CREBBP: variants seen among roughly 807,000 people sequenced by gnomAD.
CREBBP encodes CREB binding lysine acetyltransferase.
In CREBBP, 19 loss-of-function variants were observed where a neutral mutation model predicts 265.0. The ratio of observed to expected loss-of-function variants is 0.07; its 90% CI spans 0.05 to 0.11. The LOEUF (loss-of-function observed/expected upper bound fraction) is 0.11. Among genes scored for constraint, CREBBP ranks in the 10% least tolerant of loss-of-function variants. The probability of loss-of-function intolerance (pLI) is 1.00; values close to 1 mark genes in which losing one functional copy is unlikely to be tolerated. For synonymous variants in CREBBP, 1,457 were observed against 1,223.7 expected (o/e 1.19, Z -3.98); for missense variants, 2,525 against 3,219.0 (o/e 0.78, Z 5.22).
At chr16:3,763,548 C>T (rs1344125150) in intron 16 of CREBBP, among the ~76,000 whole-genome samples, 1 of 151,818 alleles carries the variant, frequency 6.6e-6, no homozygotes, top group Non-Finnish European at 1.5e-5. Context: ...GCAACCTCTG[C>T]CGCCTCCTGG....
intron 1 of CREBBP, among the ~76,000 whole-genome samples, chr16:3,859,825 C>T (rs1325105485): frequency 6.6e-6 from 1 of 152,196 alleles, no homozygotes; most frequent in Non-Finnish European, 1.5e-5. Flanking sequence ...CCCTCTCACA[C>T]GCCTTGCCCT....
rs143790656 is a variant in CREBBP at position 3,788,397 on chromosome 16, C to T, written c.1330+3584G>A. On this transcript the variant is annotated intron_variant, in intron 5 of 30. Transcript: ENST00000262367. ...CAACCTGGGAGCACCTCTATGGCTT[C>T]CCTGAGGCCTACACTTTGAGCAGCA... 5.3e-5 allele frequency among the ~76,000 whole-genome samples: 8 copies of T among 152,322 alleles called. No individual in the cohort carries two copies. In the East Asian group the frequency reaches 1.5e-3, roughly 29 times the overall value.
rs752189010 is a variant in CREBBP at position 3,731,986 on chromosome 16, T to G, written c.4729-49A>C. Reference sequence around the variant, plus strand: ...AGACCAGGCAAGTGCCCCTCCACACTTGGCACGGACGCCCAGCTCCCAGGC... The same window carrying G: ...AGACCAGGCAAGTGCCCCTCCACACGTGGCACGGACGCCCAGCTCCCAGGC... On this transcript the variant is annotated intron_variant, in intron 28 of 30. Coordinates refer to ENST00000262367, the MANE Select transcript of CREBBP (RefSeq NM_004380.3). The surrounding 1 kb of genome is among the most constrained non-coding windows in gnomAD (Gnocchi z 7.7). 1.9e-6 allele frequency: 3 copies of G among 1,613,550 alleles called. No individual in the cohort carries two copies. The highest frequency in any genetic ancestry group is 2.2e-5 in the East Asian group (1 of 44,874).
intron 2 of CREBBP, among the ~76,000 whole-genome samples, chr16:3,813,251 A>T (rs2053971727): frequency 6.6e-6 from 1 of 152,192 alleles, no homozygotes; most frequent in Admixed American, 6.5e-5. Flanking sequence ...TTGGAAAGCA[A>T]TCACATTCTT....
chr16:3,773,330 C>T (rs2053059983), intron 13 of CREBBP, among the ~76,000 whole-genome samples: 1 of 152,134 alleles, frequency 6.6e-6, no homozygotes, highest in Non-Finnish European at 1.5e-5. Flanking sequence ...TTTCACCTGG[C>T]AGTGGAGACA....
chr16:3,811,365 C>T (rs2053934865), intron 2 of CREBBP, among the ~76,000 whole-genome samples: 1 of 152,178 alleles, frequency 6.6e-6, no homozygotes, highest in Non-Finnish European at 1.5e-5. Context: ...CAGCCTCTGC[C>T]AACCAAGAGA....
In CREBBP at chr16:3,771,802, CTTTTT is replaced by C. The variant is rs34195127; in HGVS notation, c.2464-821_2464-817del. Among the ~76,000 whole-genome samples the C allele has an allele frequency of 3.8e-5, 5 of 131,928 alleles. No individual in the cohort carries two copies. In the South Asian group the frequency reaches 1.2e-3, roughly 31 times the overall value. 86.5% of individuals were successfully genotyped at this position (131,928 alleles called of 152,430 possible). A position where few individuals can be genotyped will look rare whatever the true frequency, so the allele number is the denominator to read the frequency against. On this transcript the variant is annotated intron_variant, in intron 13 of 30. Transcript: ENST00000262367. ...ACTTGGAATGGCACTCAATTTAAAA[CTTTTT>C]TTTTTTTTTTTTAAAAAAAAAAAGA...
intron 2 of CREBBP, among the ~76,000 whole-genome samples, chr16:3,825,803 T>C (rs2054225632): frequency 6.6e-6 from 1 of 152,226 alleles, no homozygotes; most frequent in Admixed American, 6.5e-5. Context: ...AATGTCATTG[T>C]GTATCTTCAA....
intron 2 of CREBBP, among the ~76,000 whole-genome samples, chr16:3,837,986 G>C (rs2141438397): frequency 6.6e-6 from 1 of 152,186 alleles, no homozygotes; most frequent in Non-Finnish European, 1.5e-5. Flanking sequence ...TTATACAGGT[G>C]TGTTTTACAC....
At chr16:3,760,658 C>A (rs537225185) in intron 16 of CREBBP, among the ~76,000 whole-genome samples, 3 of 152,074 alleles carry the variant, frequency 2.0e-5, no homozygotes, top group Admixed American at 1.3e-4. Flanking sequence ...CCCGCCCTGG[C>A]CTTCCAAAGT....
chr16:3,878,925 TAAG>T (rs753153347), intron 1 of CREBBP, among the ~76,000 whole-genome samples: 2 of 152,134 alleles, frequency 1.3e-5, no homozygotes, highest in Admixed American at 6.5e-5. Context: ...TATGATAACT[TAAG>T]AAAGTTTCCA....
At position 3,727,611 on chromosome 16, in the gene CREBBP, G is replaced by A. The variant is rs1596779760; in HGVS notation, c.*107C>T. ...TTAAACATCAATCCACCCTTCCATG[G>A]CTCGGAAGTCGCAGTTCCATCTAGG... On this transcript the variant is annotated 3_prime_UTR_variant, in exon 31 of 31. Coordinates refer to ENST00000262367, the MANE Select transcript of CREBBP (RefSeq NM_004380.3). 3 of 1,585,358 alleles carry A rather than the reference G, an allele frequency of 1.9e-6. No individual in the cohort carries two copies. The East Asian group carries it at 6.7e-5, about 36-fold the overall frequency.
intron 2 of CREBBP, among the ~76,000 whole-genome samples, chr16:3,816,368 G>T (rs2054036160): frequency 6.6e-6 from 1 of 152,176 alleles, no homozygotes; most frequent in Non-Finnish European, 1.5e-5. Context: ...CAGATCCTGA[G>T]GTTTCCCCAA....
In CREBBP at chr16:3,781,280, C is replaced by T. The variant is rs780233521; in HGVS notation, c.1600G>A (p.Gly534Arg). The change falls in exon 7 of 31, where the codon GGA becomes AGA. Residue 534 changes from glycine (G) to arginine (R), a missense_variant. By Grantham distance (125) the Gly-to-Arg change is moderately radical. This residue lies in a region of CREBBP where 144 missense variants were observed against 134.0 expected (regional missense o/e 1.07). Coordinates refer to ENST00000262367, the MANE Select transcript of CREBBP (RefSeq NM_004380.3). ...GGCTGCTGATCTGTTGTTATTCCTC[C>T]TGCTGGAATGTTCATTGGATTATTT... ...LGNNPMNIPA[G>R]GITTDQQPPN... 6.2e-7 allele frequency: 1 copy of T among 1,613,878 alleles called. No homozygotes were observed. Among genetic ancestry groups the T allele is most frequent in the Admixed American group, 1.7e-5 (1 of 60,010 alleles).
At chr16:3,832,803 TA>T (rs1223010162) in intron 2 of CREBBP, among the ~76,000 whole-genome samples, 13 of 151,734 alleles carry the variant, frequency 8.6e-5, no homozygotes, top group African/African-American at 3.1e-4. Flanking sequence ...CAGTAACATA[TA>T]AAAAAGATAA....
intron 2 of CREBBP, among the ~76,000 whole-genome samples, chr16:3,848,566 G>A (rs1275570208): frequency 6.6e-6 from 1 of 152,042 alleles, no homozygotes; most frequent in Non-Finnish European, 1.5e-5. Context: ...GAGGTATACT[G>A]CACATGTTAA....
chr16:3,805,156 A>G (rs1032763031), intron 3 of CREBBP, among the ~76,000 whole-genome samples: 5 of 152,248 alleles, frequency 3.3e-5, no homozygotes, highest in African/African-American at 9.6e-5. Flanking sequence ...CCCTGCATAC[A>G]TGTTTTCTCA....
intron 1 of CREBBP, among the ~76,000 whole-genome samples, chr16:3,875,988 T>C (rs940965139): frequency 2.6e-5 from 4 of 152,276 alleles, no homozygotes; most frequent in Admixed American, 2.0e-4. Flanking sequence ...GAGCCACTTA[T>C]ACAGCACAGG....
chr16:3,737,810 G>A lies in CREBBP; in HGVS notation c.4394+749C>T, dbSNP rs137933299. ...TCTTTCTTTTTTCTTTTTTTGAGATGGAGTCTTGCTCTGTCGCCCAGGCTG... is the reference window on the plus strand; with the variant it reads ...TCTTTCTTTTTTCTTTTTTTGAGATAGAGTCTTGCTCTGTCGCCCAGGCTG... On this transcript the variant is annotated intron_variant, in intron 26 of 30. Coordinates refer to ENST00000262367, the MANE Select transcript of CREBBP (RefSeq NM_004380.3). 4.3e-4 allele frequency among the ~76,000 whole-genome samples: 65 copies of A among 150,480 alleles called. No individual in the cohort carries two copies. In the East Asian group the frequency reaches 0.011, roughly 27 times the overall value.
Sources: allele counts gnomAD v4.1 joint callset (sites outside exome capture counted in the v4.1 genomes callset), GRCh38; gene constraint gnomAD v4.1.1; regional missense constraint gnomAD v4.1.1; non-coding constraint Gnocchi (gnomAD v3.1); transcripts MANE v1.5; gene names NCBI Gene and HGNC (gene_info 2026-07-23, HGNC 2026-07-21).